Variants in TRHDE observed in about 807,000 individuals in gnomAD.
TRHDE encodes thyrotropin releasing hormone degrading enzyme.
TRHDE carries 72 observed loss-of-function variants against 125.7 expected under a neutral mutation model. The ratio of observed to expected loss-of-function variants is 0.57; its 90% CI spans 0.47 to 0.70. The LOEUF (loss-of-function observed/expected upper bound fraction) is 0.70. TRHDE is among the 30% of genes least tolerant of loss of function. TRHDE has a pLI of 0.00. For missense variants in TRHDE, 1,110 were observed against 1,327.1 expected, an observed-to-expected ratio of 0.84 and a Z score of 2.54; for synonymous variants, 509 against 509.1, an observed-to-expected ratio of 1.00 and a Z score of 0.00.
chr12:72,468,838 C>A (rs1160800226), intron 3 of TRHDE, among the ~76,000 whole-genome samples: 1 of 152,174 alleles, frequency 6.6e-6, no homozygotes, highest in African/African-American at 2.4e-5. Flanking sequence ...ATTTCTGTAC[C>A]ATTTCTGGTC....
intron 12 of TRHDE, among the ~76,000 whole-genome samples, chr12:72,584,149 C>A (rs1243552827): frequency 2.0e-5 from 3 of 151,862 alleles, no homozygotes; most frequent in African/African-American, 7.3e-5. Context: ...CTTCCAGTAC[C>A]AAATTTGTGT....
rs571080651 is a variant in TRHDE at position 72,112,954 on chromosome 12, G to C, written n.279+7202G>C. 7.2e-5 allele frequency among the ~76,000 whole-genome samples: 11 copies of C among 152,312 alleles called. No individual in the cohort carries two copies. The East Asian group carries it at 2.1e-3, about 29-fold the overall frequency. The stretch of plus-strand genomic sequence containing the variant: ...GGGCAGCCATTACACAGGCTAGCCA[G>C]TAATGTATGACCTGTACCTTCATTT... On this transcript the variant is annotated intron_variant and non_coding_transcript_variant, in intron 2 of 4. Coordinates refer to the TRHDE transcript ENST00000548156.
At chr12:72,444,994 A>G (rs1293827660) in intron 3 of TRHDE, among the ~76,000 whole-genome samples, 1 of 151,852 alleles carries the variant, frequency 6.6e-6, no homozygotes, top group Non-Finnish European at 1.5e-5. Flanking sequence ...CAGCCTGCTT[A>G]GTTGCTCTCT....
intron 3 of TRHDE, among the ~76,000 whole-genome samples, chr12:72,402,302 G>A (rs1339064731): frequency 1.3e-5 from 2 of 151,980 alleles, no homozygotes; most frequent in Non-Finnish European, 2.9e-5. Flanking sequence ...ATCTCATAAT[G>A]TTTTAAGAAA....
chr12:72,327,584 C>T (rs1442392378), intron 2 of TRHDE, among the ~76,000 whole-genome samples: 2 of 152,060 alleles, frequency 1.3e-5, no homozygotes, highest in African/African-American at 4.8e-5. Context: ...ACATTAGCAA[C>T]AGGGGAAACT....
chr12:72,298,201 A>T (rs961208658), intron 2 of TRHDE, among the ~76,000 whole-genome samples: 1 of 152,250 alleles, frequency 6.6e-6, no homozygotes, highest in Non-Finnish European at 1.5e-5. Flanking sequence ...TGGTCAGTGT[A>T]TCCATGATTA....
At chr12:72,658,100 T>A (rs753565405) in intron 18 of TRHDE, among the ~76,000 whole-genome samples, 2 of 152,318 alleles carry the variant, frequency 1.3e-5, no homozygotes, top group South Asian at 4.1e-4. Context: ...AAGTCTCTGA[T>A]TGTAATGATT....
intron 6 of TRHDE, among the ~76,000 whole-genome samples, chr12:72,516,768 A>G (rs1203925747): frequency 1.3e-5 from 2 of 151,916 alleles, no homozygotes; most frequent in African/African-American, 2.4e-5. Context: ...TCAGTATGAT[A>G]TTGGCTGTGG....
At chr12:72,588,323 GAAGT>G (rs1871527438) in intron 12 of TRHDE, among the ~76,000 whole-genome samples, 1 of 152,130 alleles carries the variant, frequency 6.6e-6, no homozygotes, top group Non-Finnish European at 1.5e-5. Flanking sequence ...TAGTTTGAAA[GAAGT>G]AAATAAGGGA....
At chr12:72,363,822 A>C (rs1871226285) in intron 2 of TRHDE, among the ~76,000 whole-genome samples, 1 of 152,068 alleles carries the variant, frequency 6.6e-6, no homozygotes, top group Non-Finnish European at 1.5e-5. Context: ...GAAAAGAGGA[A>C]GTCAAATTGT....
intron 2 of TRHDE, among the ~76,000 whole-genome samples, chr12:72,238,301 TATATATATATATATATATATAC>T (rs1396753044): frequency 1.2e-4 from 4 of 33,702 alleles, no homozygotes; most frequent in African/African-American, 2.0e-4. Flanking sequence ...TATATATATA[TATATATATATATATATATATAC>T]ATATATATAT....
chr12:72,117,078 A>C (rs1178241747), intron 2 of TRHDE, among the ~76,000 whole-genome samples: 1 of 152,090 alleles, frequency 6.6e-6, no homozygotes, highest in Non-Finnish European at 1.5e-5. Context: ...GCTGTGCAGA[A>C]GGTTTTTAGC....
At chr12:72,330,422 G>A (rs1195971770) in intron 2 of TRHDE, among the ~76,000 whole-genome samples, 1 of 152,104 alleles carries the variant, frequency 6.6e-6, no homozygotes, top group Non-Finnish European at 1.5e-5. Context: ...GGGATGTTAC[G>A]TGAGGGAGCG....
intron 2 of TRHDE, among the ~76,000 whole-genome samples, chr12:72,356,451 T>C (rs371410587): frequency 2.6e-5 from 4 of 151,196 alleles, no homozygotes; most frequent in African/African-American, 9.7e-5. Context: ...TAGTACCTGG[T>C]TGACAAAATA....
chr12:72,651,317 A>C (rs73316843), intron 15 of TRHDE, among the ~76,000 whole-genome samples: 48 of 152,156 alleles, frequency 3.2e-4, no homozygotes, highest in African/African-American at 1.1e-3. Context: ...AGATCATCTT[A>C]CTGGTAGTTA....
chr12:72,416,442 AG>A (rs1488126977), intron 3 of TRHDE, among the ~76,000 whole-genome samples: 1 of 151,806 alleles, frequency 6.6e-6, no homozygotes, highest in Non-Finnish European at 1.5e-5. Flanking sequence ...TTGAGGTCTT[AG>A]TCAAATAATC....
intron 6 of TRHDE, 37 bp downstream of exon 6, chr12:72,499,672 A>G (rs755597299): frequency 1.9e-6 from 3 of 1,605,306 alleles, no homozygotes; most frequent in Middle Eastern, 1.7e-4. Flanking sequence ...TAGATATTTC[A>G]TTACCAAGAT....
chr12:72,318,714 T>A (rs1312682972), intron 2 of TRHDE, among the ~76,000 whole-genome samples: 2 of 141,454 alleles, frequency 1.4e-5, no homozygotes, highest in East Asian at 5.1e-4. Flanking sequence ...CTGTCAAAAG[T>A]TATTTTTTTT....
At chr12:72,131,672 G>A (rs1381433813) in intron 2 of TRHDE, among the ~76,000 whole-genome samples, 1 of 152,208 alleles carries the variant, frequency 6.6e-6, no homozygotes, top group East Asian at 1.9e-4. Context: ...TCTGGCGACA[G>A]CTCTTTTGAG....
Sources: allele counts gnomAD v4.1 joint callset (sites outside exome capture counted in the v4.1 genomes callset), GRCh38; gene constraint gnomAD v4.1.1; transcripts MANE v1.5; gene names NCBI Gene and HGNC (gene_info 2026-07-23, HGNC 2026-07-21).